Variants in ZEB1 observed in about 807,000 individuals in gnomAD.
ZEB1 encodes the protein zinc finger E-box-binding homeobox 1.
Under a neutral mutation model 84.9 loss-of-function variants are expected in ZEB1, and 21 were observed. The ratio of observed to expected loss-of-function variants is 0.25; its 90% CI spans 0.18 to 0.36. The LOEUF is 0.36. ZEB1 is among the 10% of genes least tolerant of loss of function. ZEB1 has a pLI of 1.00. For missense variants in ZEB1, 1,104 were observed against 1,330.2 expected (o/e 0.83, Z 2.65); for synonymous variants, 420 against 471.1 (o/e 0.89, Z 1.41).
At chr10:31,495,725 G>A (rs1011602942) in intron 2 of ZEB1, 51 bp from the exon 3 acceptor site, 77 of 1,596,246 alleles carry the variant, frequency 4.8e-5, no homozygotes, top group East Asian at 3.1e-4. Flanking sequence ...TTTGTCTTTC[G>A]TTTGTATTAG....
At chr10:31,332,331 A>G (rs1207682816) in intron 1 of ZEB1, among the ~76,000 whole-genome samples, 1 of 152,132 alleles carries the variant, frequency 6.6e-6, no homozygotes, top group Non-Finnish European at 1.5e-5. Flanking sequence ...TCCTTTTCTC[A>G]AATCAGTAAA....
intron 1 of ZEB1, among the ~76,000 whole-genome samples, chr10:31,406,223 T>A (rs1023513197): frequency 3.9e-5 from 6 of 152,100 alleles, no homozygotes; most frequent in African/African-American, 1.4e-4. Context: ...ATGGGATTGC[T>A]GGGTCAAATG....
intron 1 of ZEB1, among the ~76,000 whole-genome samples, chr10:31,338,356 T>A (rs1408546738): frequency 2.0e-5 from 3 of 152,208 alleles, no homozygotes; most frequent in African/African-American, 7.2e-5. Context: ...GATCCTGCTA[T>A]CTTTGATAGG....
chr10:31,321,708 T>C, intron 1 of ZEB1: 2 of 860,968 alleles, frequency 2.3e-6, no homozygotes, highest in Admixed American at 2.1e-5. Context: ...TGGATTTTTC[T>C]CCTTGAGATC....
intron 2 of ZEB1, among the ~76,000 whole-genome samples, chr10:31,487,692 G>T (rs957915333): frequency 1.3e-5 from 2 of 151,222 alleles, no homozygotes; most frequent in African/African-American, 4.8e-5. Flanking sequence ...GACATTCTTG[G>T]CTTTTTCTTA....
chr10:31,354,325 G>T (rs61846166), intron 1 of ZEB1, among the ~76,000 whole-genome samples: 2 of 152,060 alleles, frequency 1.3e-5, no homozygotes, highest in African/African-American at 4.8e-5. Context: ...TTACCTGTTT[G>T]TATAGCAGTT....
rs35031058 is a variant in ZEB1, at chr10:31,429,733, C to CTTT, written c.59-31279_59-31277dup. The stretch of plus-strand genomic sequence containing the variant: ...CTGTTGTGAATACTTACAGGCAGAA[C>CTTT]TTTTTTTTTTTTTTTTTTTTTTTTT... On this transcript the variant is annotated intron_variant, in intron 1 of 8. Coordinates refer to ENST00000424869, the MANE Select transcript of ZEB1 (RefSeq NM_001174096.2). 6.9e-4 allele frequency among the ~76,000 whole-genome samples: 55 copies of CTTT among 79,550 alleles called. 4 individuals are homozygous for CTTT. The highest frequency in any genetic ancestry group is 1.8e-3 in the African/African-American group (27 of 14,900). 52.2% of individuals were successfully genotyped at this position (79,550 alleles called of 152,430 possible).
chr10:31,387,847 A>G, intron 1 of ZEB1: 1 of 820,406 alleles, frequency 1.2e-6, no homozygotes, highest in Non-Finnish European at 1.5e-6. Context: ...GAAAAATATT[A>G]CTTAAAACTT....
intron 6 of ZEB1, among the ~76,000 whole-genome samples, chr10:31,517,703 ATTG>A (rs1468249705): frequency 6.6e-6 from 1 of 152,120 alleles, no homozygotes; most frequent in Non-Finnish European, 1.5e-5. Flanking sequence ...CTTTAGAATA[ATTG>A]TTGTGTAAAC....
At chr10:31,451,504 A>G (rs1013364128) in intron 1 of ZEB1, among the ~76,000 whole-genome samples, 2 of 152,318 alleles carry the variant, frequency 1.3e-5, no homozygotes, top group Non-Finnish European at 1.5e-5. Flanking sequence ...CCTATCTTCC[A>G]TAAGTAACAG....
chr10:31,377,189 A>T (rs921225263), intron 1 of ZEB1, among the ~76,000 whole-genome samples: 1 of 151,236 alleles, frequency 6.6e-6, no homozygotes, highest in Non-Finnish European at 1.5e-5. Flanking sequence ...CCATGACCAC[A>T]ATTAGTTCTA....
intron 1 of ZEB1, among the ~76,000 whole-genome samples, chr10:31,411,206 AACTC>A (rs1385014894): frequency 1.3e-5 from 2 of 152,208 alleles, no homozygotes; most frequent in Non-Finnish European, 2.9e-5. Flanking sequence ...AGGATTAAGA[AACTC>A]ACTCACAACC....
chr10:31,501,138 T>A (rs2068064010), intron 3 of ZEB1, among the ~76,000 whole-genome samples: 1 of 152,190 alleles, frequency 6.6e-6, no homozygotes, highest in Non-Finnish European at 1.5e-5. Context: ...TTCAGCCTGC[T>A]GGGGAGTGCT....
chr10:31,464,571 G>A (rs190717908), intron 2 of ZEB1, among the ~76,000 whole-genome samples: 4 of 152,176 alleles, frequency 2.6e-5, no homozygotes, highest in Non-Finnish European at 4.4e-5. Context: ...CCAATAGATT[G>A]AACATAAAAA....
chr10:31,417,760 C>A (rs994750290), intron 1 of ZEB1, among the ~76,000 whole-genome samples: 2 of 151,664 alleles, frequency 1.3e-5, no homozygotes, highest in African/African-American at 4.8e-5. Context: ...CAATATGGTA[C>A]TTTGAACATA....
intron 1 of ZEB1, among the ~76,000 whole-genome samples, chr10:31,408,922 G>T (rs1172757436): frequency 9.3e-5 from 14 of 150,250 alleles, no homozygotes; most frequent in African/African-American, 2.9e-4. Flanking sequence ...AAGAGCTTCT[G>T]CACAGCAAAA....
intron 2 of ZEB1, among the ~76,000 whole-genome samples, chr10:31,473,904 C>T (rs922417538): frequency 3.6e-4 from 55 of 151,158 alleles, no homozygotes; most frequent in African/African-American, 1.1e-3. Flanking sequence ...GAAATAACGC[C>T]GCATATCTAC....
rs139273419 is a variant in ZEB1, at chr10:31,480,868, A to T, written c.260-14908A>T. ...ATTTCTTGTTTTCCATACCTCATTC[A>T]TAATAGTTTTATTACTGTTGGTATT... On this transcript the variant is annotated intron_variant, in intron 2 of 8. Transcript: ENST00000424869. 7.8e-3 allele frequency among the ~76,000 whole-genome samples: 1,187 copies of T among 152,198 alleles called. 9 individuals are homozygous for T. The highest frequency in any genetic ancestry group is 0.027 in the African/African-American group (1,102 of 41,560).
At chr10:31,414,367 C>T (rs1002027496) in intron 1 of ZEB1, among the ~76,000 whole-genome samples, 3 of 152,160 alleles carry the variant, frequency 2.0e-5, no homozygotes, top group African/African-American at 7.2e-5. Flanking sequence ...TGTATGTATA[C>T]ACTGGATTAC....
Sources: gnomAD v4.1 joint callset for allele counts (sites outside exome capture counted in the v4.1 genomes callset) on GRCh38, gnomAD v4.1.1 for gene constraint, MANE v1.5 for transcripts, NCBI Gene and HGNC (gene_info 2026-07-23, HGNC 2026-07-21) for gene names.